Variants in FAT3 observed in about 807,000 individuals in gnomAD.
FAT3 encodes the protein protocadherin Fat 3.
FAT3 carries 95 observed loss-of-function variants against 310.2 expected under a neutral mutation model. That is an observed-to-expected ratio of 0.31 (90% confidence interval 0.26 to 0.36). FAT3 has a LOEUF of 0.36. Among genes scored for constraint, FAT3 ranks in the 10% least tolerant of loss-of-function variants. The pLI, the probability that FAT3 is intolerant of heterozygous loss-of-function variation, is 1.00. For missense variants in FAT3, 5,408 were observed against 5,715.6 expected, an observed-to-expected ratio of 0.95 and a Z score of 1.74; for synonymous variants, 2,314 against 2,192.9, an observed-to-expected ratio of 1.06 and a Z score of -1.54.
intron 1 of FAT3, among the ~76,000 whole-genome samples, chr11:92,313,993 G>A (rs930057772): frequency 3.9e-5 from 6 of 152,308 alleles, no homozygotes; most frequent in Admixed American, 2.6e-4. Flanking sequence ...ATTCTCAGAG[G>A]CTAAGTGCCA....
At chr11:92,226,712 C>T (rs370485549) in intron 1 of FAT3, among the ~76,000 whole-genome samples, 1 of 152,004 alleles carries the variant, frequency 6.6e-6, no homozygotes, top group Non-Finnish European at 1.5e-5. Flanking sequence ...CGTGGGCGGC[C>T]GGTGGCTCTG....
At chr11:92,358,507 C>T (rs1019457652) in intron 2 of FAT3, among the ~76,000 whole-genome samples, 2 of 151,374 alleles carry the variant, frequency 1.3e-5, no homozygotes, top group Admixed American at 6.6e-5. Flanking sequence ...TTAGAAAACA[C>T]AACTGGGTTT....
intron 2 of FAT3, among the ~76,000 whole-genome samples, chr11:92,439,045 G>T (rs1363949789): frequency 6.6e-6 from 1 of 152,194 alleles, no homozygotes; most frequent in Non-Finnish European, 1.5e-5. Flanking sequence ...AAATTCTTGT[G>T]TTGGCAGATC....
At chr11:92,746,927 G>A (rs1295994832) in intron 4 of FAT3, among the ~76,000 whole-genome samples, 1 of 152,204 alleles carries the variant, frequency 6.6e-6, no homozygotes, top group Non-Finnish European at 1.5e-5. Context: ...CTCCACTCCT[G>A]TGGCTTTGCA....
At chr11:92,655,548 C>T (rs1448227260) in intron 3 of FAT3, among the ~76,000 whole-genome samples, 1 of 152,106 alleles carries the variant, frequency 6.6e-6, no homozygotes, top group Non-Finnish European at 1.5e-5. Context: ...TTCATTGTGA[C>T]TGTTGTTGTT....
At chr11:92,660,417 G>A (rs1942741023) in intron 3 of FAT3, among the ~76,000 whole-genome samples, 1 of 152,076 alleles carries the variant, frequency 6.6e-6, no homozygotes. Flanking sequence ...TGAAGGCTGG[G>A]GTAGGGGTGC....
intron 22 of FAT3, among the ~76,000 whole-genome samples, chr11:92,868,227 A>C (rs1949296255): frequency 6.6e-6 from 1 of 152,180 alleles, no homozygotes; most frequent in Admixed American, 6.5e-5. Flanking sequence ...CCAACTCCAA[A>C]TTTAGAGTCC....
chr11:92,588,639 T>TGAGAGTACATGTTGATTG (rs1323260863), intron 3 of FAT3, among the ~76,000 whole-genome samples: 1 of 148,200 alleles, frequency 6.7e-6, no homozygotes, highest in African/African-American at 2.6e-5. Context: ...GTAAGAGACT[T>TGAGAGTACATGTTGATTG]GGTGCAGACC....
chr11:92,732,298 G>A (rs1057275247), intron 4 of FAT3, among the ~76,000 whole-genome samples: 7 of 152,104 alleles, frequency 4.6e-5, no homozygotes, highest in Non-Finnish European at 1.0e-4. Flanking sequence ...GAGACATAGA[G>A]GAAAAGCTTA....
intron 3 of FAT3, among the ~76,000 whole-genome samples, chr11:92,690,000 C>A (rs539755479): frequency 6.6e-6 from 1 of 152,308 alleles, no homozygotes; most frequent in East Asian, 1.9e-4. Context: ...AGGCTGTGGG[C>A]AACTCCATCT....
At chr11:92,832,521 T>C (rs1442857389) in intron 14 of FAT3, among the ~76,000 whole-genome samples, 1 of 152,058 alleles carries the variant, frequency 6.6e-6, no homozygotes, top group Non-Finnish European at 1.5e-5. Context: ...TGGCTCCTGC[T>C]AAATTTTAAG....
intron 1 of FAT3, among the ~76,000 whole-genome samples, chr11:92,245,052 G>T (rs190279535): frequency 3.9e-5 from 6 of 152,148 alleles, no homozygotes; most frequent in African/African-American, 1.2e-4. Context: ...ATGTGTTATT[G>T]CAGCACTGTT....
intron 4 of FAT3, among the ~76,000 whole-genome samples, chr11:92,722,039 C>T (rs1352703304): frequency 2.0e-5 from 3 of 151,986 alleles, no homozygotes; most frequent in African/African-American, 7.2e-5. Context: ...CCTCCCAAAT[C>T]TCACATTTCA....
intron 1 of FAT3, among the ~76,000 whole-genome samples, chr11:92,293,084 G>A (rs201219946): frequency 6.9e-6 from 1 of 145,144 alleles, no homozygotes; most frequent in African/African-American, 2.6e-5. Context: ...AAGGAAAGAA[G>A]GAAGGAAGGA....
chr11:92,328,847 GAT>G (rs1461502004), intron 1 of FAT3, among the ~76,000 whole-genome samples: 3 of 152,158 alleles, frequency 2.0e-5, no homozygotes, highest in African/African-American at 7.2e-5. Flanking sequence ...GAGAAGTGGG[GAT>G]ATTTTTTAAC....
chr11:92,780,629 T>C (rs964534212), intron 7 of FAT3, among the ~76,000 whole-genome samples: 1 of 152,178 alleles, frequency 6.6e-6, no homozygotes, highest in African/African-American at 2.4e-5. Flanking sequence ...CAATGCTGTC[T>C]CTTAAAAGCA....
At position 92,403,863 on chromosome 11, in the gene FAT3, C is replaced by T. The variant is rs146247159; in HGVS notation, c.3292+48459C>T. 1.5e-3 allele frequency among the ~76,000 whole-genome samples: 232 copies of T among 152,138 alleles called. 2 individuals are homozygous for T. Among genetic ancestry groups the T allele is most frequent in the African/African-American group, 5.4e-3 (223 of 41,508 alleles). On this transcript the variant is annotated intron_variant, in intron 2 of 27. Coordinates refer to ENST00000525166, the MANE Select transcript of FAT3 (RefSeq NM_001367949.2). ...CATCCTGGCTAACATGGTGAAACCC[C>T]GTCTCTATGAAAAATACAAAATATT...
chr11:92,534,468 C>T (rs536628669), intron 3 of FAT3, among the ~76,000 whole-genome samples: 3 of 152,292 alleles, frequency 2.0e-5, no homozygotes, highest in Admixed American at 6.5e-5. Flanking sequence ...TGGGGAAAGT[C>T]TTTCAGATGA....
At chr11:92,417,877 G>T (rs1331369006) in intron 2 of FAT3, among the ~76,000 whole-genome samples, 2 of 152,180 alleles carry the variant, frequency 1.3e-5, no homozygotes, top group Non-Finnish European at 2.9e-5. Context: ...CTTAAGCTCA[G>T]GTGAGAACTA....
Sources: allele counts gnomAD v4.1 joint callset (sites outside exome capture counted in the v4.1 genomes callset), GRCh38; gene constraint gnomAD v4.1.1; transcripts MANE v1.5; gene names NCBI Gene and HGNC (gene_info 2026-07-23, HGNC 2026-07-21).